The following FRAS1 variants were observed in gnomAD, a reference collection of about 807,000 sequenced individuals.
FRAS1 encodes the protein Fraser extracellular matrix complex subunit 1.
A neutral mutation model predicts 435.2 loss-of-function variants in FRAS1; 290 were observed. The observed-to-expected ratio is 0.67, with a 90% CI of 0.61 to 0.73. The LOEUF (loss-of-function observed/expected upper bound fraction) is 0.73, where lower values mean the gene tolerates loss of function less well. Ranked by LOEUF, FRAS1 falls within the 30% of genes least tolerant of loss-of-function variation. The pLI, the probability that FRAS1 is intolerant of heterozygous loss-of-function variation, is 0.00. For missense variants in FRAS1, 4,860 were observed against 5,001.5 expected (o/e 0.97, Z 0.85); for synonymous variants, 1,800 against 1,851.0 (o/e 0.97, Z 0.71).
chr4:78,247,609 T>G (rs1337531883), intron 4 of FRAS1, among the ~76,000 whole-genome samples: 1 of 152,184 alleles, frequency 6.6e-6, no homozygotes, highest in Non-Finnish European at 1.5e-5. Flanking sequence ...TAAATGCTTG[T>G]CTGGTCTGGT....
chr4:78,285,315 G>C (rs1440388213), intron 13 of FRAS1, among the ~76,000 whole-genome samples: 1 of 149,410 alleles, frequency 6.7e-6, no homozygotes. Flanking sequence ...AGCCGAGATT[G>C]TGCCACTGCA....
At chr4:78,116,704 T>C (rs967817250) in intron 2 of FRAS1, among the ~76,000 whole-genome samples, 1 of 152,208 alleles carries the variant, frequency 6.6e-6, no homozygotes, top group Non-Finnish European at 1.5e-5. Context: ...TCCATCCCTT[T>C]ATTTTGAGCC....
chr4:78,532,546 C>G (rs1721748151), intron 70 of FRAS1, among the ~76,000 whole-genome samples: 1 of 152,174 alleles, frequency 6.6e-6, no homozygotes, highest in East Asian at 1.9e-4. Flanking sequence ...GAAATCTACT[C>G]TCTTAGGAAA....
chr4:78,377,436 A>C (rs1250122147), intron 26 of FRAS1, among the ~76,000 whole-genome samples: 1 of 152,168 alleles, frequency 6.6e-6, no homozygotes, highest in Non-Finnish European at 1.5e-5. Context: ...GTCCCACTGA[A>C]ACTTGGCATT....
intron 2 of FRAS1, among the ~76,000 whole-genome samples, chr4:78,086,175 A>G (rs1454882632): frequency 6.6e-6 from 1 of 152,212 alleles, no homozygotes; most frequent in East Asian, 1.9e-4. Context: ...CTGAATGACT[A>G]CTGGGTACAT....
At chr4:78,532,967 ATGG>A (rs1263461308) in intron 70 of FRAS1, among the ~76,000 whole-genome samples, 3 of 152,174 alleles carry the variant, frequency 2.0e-5, no homozygotes, top group Admixed American at 1.3e-4. Flanking sequence ...TCTCTACAAG[ATGG>A]TGATTTCCCC....
At chr4:78,118,248 G>T (rs1361546953) in intron 2 of FRAS1, among the ~76,000 whole-genome samples, 2 of 152,206 alleles carry the variant, frequency 1.3e-5, no homozygotes, top group Non-Finnish European at 1.5e-5. Flanking sequence ...CTACTGGGGG[G>T]TGCCTCCCAG....
intron 32 of FRAS1, among the ~76,000 whole-genome samples, chr4:78,417,556 C>A (rs1284314699): frequency 6.6e-6 from 1 of 152,148 alleles, no homozygotes; most frequent in East Asian, 1.9e-4. Context: ...GAGAGACCAG[C>A]TGCTATTCGC....
chr4:78,282,607 T>C (rs1334682288), intron 11 of FRAS1, among the ~76,000 whole-genome samples: 2 of 10,950 alleles, frequency 1.8e-4, no homozygotes, highest in Non-Finnish European at 0.012. Flanking sequence ...TTCTCTACAT[T>C]GAAGTAAAAC....
At chr4:78,317,887 G>C (rs886201640) in intron 17 of FRAS1, among the ~76,000 whole-genome samples, 1 of 152,186 alleles carries the variant, frequency 6.6e-6, no homozygotes, top group Non-Finnish European at 1.5e-5. Context: ...TGAGCAAACT[G>C]AGAGTCACTA....
intron 2 of FRAS1, among the ~76,000 whole-genome samples, chr4:78,201,627 C>G (rs969372631): frequency 6.6e-6 from 1 of 152,108 alleles, no homozygotes; most frequent in Non-Finnish European, 1.5e-5. Context: ...TGAATTCTGA[C>G]GTTCTGACTC....
At chr4:78,202,078 G>A (rs1723071216) in intron 2 of FRAS1, among the ~76,000 whole-genome samples, 1 of 152,178 alleles carries the variant, frequency 6.6e-6, no homozygotes. Context: ...GTGGGTAGAA[G>A]CAATGGATGC....
At chr4:78,179,898 C>G (rs1721924745) in intron 2 of FRAS1, among the ~76,000 whole-genome samples, 1 of 152,148 alleles carries the variant, frequency 6.6e-6, no homozygotes, top group Admixed American at 6.5e-5. Context: ...AGAGAAGTGG[C>G]TGAAAAGGTT....
intron 72 of FRAS1, among the ~76,000 whole-genome samples, chr4:78,537,912 C>T (rs1721932279): frequency 6.7e-6 from 1 of 150,280 alleles, no homozygotes; most frequent in Non-Finnish European, 1.5e-5. Flanking sequence ...CACCACTGCA[C>T]TCCAGCCTGG....
chr4:78,496,691 A>C (rs1720516605), intron 59 of FRAS1, 114 bp from the exon 60 acceptor site: 1 of 1,021,568 alleles, frequency 9.8e-7, no homozygotes, highest in African/African-American at 1.6e-5. Context: ...GATCCTTTTG[A>C]ATTTGTGTGG....
intron 66 of FRAS1, among the ~76,000 whole-genome samples, chr4:78,518,446 ATATATATTTATT>A (rs1421441409): frequency 1.9e-5 from 2 of 106,902 alleles, no homozygotes; most frequent in African/African-American, 6.6e-5. Context: ...ATATATATAT[ATATATATTTATT>A]TATTTATTTA....
intron 2 of FRAS1, among the ~76,000 whole-genome samples, chr4:78,174,307 A>G (rs1444088474): frequency 6.6e-6 from 1 of 152,214 alleles, no homozygotes; most frequent in Non-Finnish European, 1.5e-5. Context: ...AAACATACCT[A>G]TGTCCATGGA....
chr4:78,297,571 T>C (rs1483043235), intron 14 of FRAS1, among the ~76,000 whole-genome samples: 4 of 152,218 alleles, frequency 2.6e-5, no homozygotes, highest in Non-Finnish European at 5.9e-5. Context: ...ATTTGTTCCT[T>C]TTCATTTTCG....
intron 2 of FRAS1, among the ~76,000 whole-genome samples, chr4:78,104,122 A>G (rs1560523144): frequency 1.3e-5 from 2 of 152,166 alleles, no homozygotes; most frequent in Admixed American, 1.3e-4. Flanking sequence ...TTTTACTACA[A>G]CTTCTTCCAG....
Sources: allele counts gnomAD v4.1 joint callset (sites outside exome capture counted in the v4.1 genomes callset), GRCh38; gene constraint gnomAD v4.1.1; transcripts MANE v1.5; gene names NCBI Gene and HGNC (gene_info 2026-07-23, HGNC 2026-07-21).